Variants in LINGO2 observed in about 807,000 individuals in gnomAD.
The protein encoded by LINGO2 is leucine-rich repeat and immunoglobulin-like domain-containing nogo receptor-interacting protein 2.
A neutral mutation model predicts 30.6 loss-of-function variants in LINGO2; 14 were observed. That is an observed-to-expected ratio of 0.46 (90% CI 0.30 to 0.72). The LOEUF (loss-of-function observed/expected upper bound fraction) is 0.72. Among genes scored for constraint, LINGO2 ranks in the 30% least tolerant of loss-of-function variants. The pLI, the probability that LINGO2 is intolerant of heterozygous loss-of-function variation, is 0.07. For missense variants in LINGO2, 729 were observed against 751.7 expected, an observed-to-expected ratio of 0.97 and a Z score of 0.35; for synonymous variants, 317 against 288.5, an observed-to-expected ratio of 1.10 and a Z score of -1.00.
the LINGO2 span, among the ~76,000 whole-genome samples, chr9:29,183,399 T>A: frequency 6.6e-6 from 1 of 152,296 alleles, no homozygotes; most frequent in Middle Eastern, 3.4e-3. Context: ...ACCAGCCGGA[T>A]GGTGCCAGTA....
chr9:27,992,372 A>AT (rs1232214654), intron 5 of LINGO2, among the ~76,000 whole-genome samples: 5 of 152,142 alleles, frequency 3.3e-5, no homozygotes, highest in African/African-American at 1.2e-4. Flanking sequence ...GTTCAATGTA[A>AT]TGTATGCACT....
At chr9:28,556,366 A>G (rs1822694089) in intron 1 of LINGO2, among the ~76,000 whole-genome samples, 1 of 152,104 alleles carries the variant, frequency 6.6e-6, no homozygotes, top group East Asian at 1.9e-4. Context: ...ACAAACAGAG[A>G]GCCAAATCAT....
chr9:28,695,501 G>C, the LINGO2 span, among the ~76,000 whole-genome samples: 1 of 151,776 alleles, frequency 6.6e-6, no homozygotes, highest in Admixed American at 6.6e-5. Flanking sequence ...TCTTAAAGAA[G>C]TACATAAATG....
the LINGO2 span, among the ~76,000 whole-genome samples, chr9:29,178,249 T>C: frequency 6.6e-6 from 1 of 151,886 alleles, no homozygotes; most frequent in African/African-American, 2.4e-5. Context: ...ACAGATGGAG[T>C]TTCACCATGT....
intron 5 of LINGO2, among the ~76,000 whole-genome samples, chr9:27,986,729 A>G (rs79785942): frequency 6.6e-6 from 1 of 151,820 alleles, no homozygotes; most frequent in African/African-American, 2.4e-5. Context: ...CTGTAAAACT[A>G]GTTTCCTAAA....
chr9:28,073,491 T>G (rs1825539835), intron 4 of LINGO2, among the ~76,000 whole-genome samples: 1 of 152,180 alleles, frequency 6.6e-6, no homozygotes, highest in Admixed American at 6.5e-5. Context: ...TAACTATGAC[T>G]TCTTAGTGGG....
chr9:28,472,894 C>T (rs1825583568), intron 2 of LINGO2, among the ~76,000 whole-genome samples: 1 of 152,054 alleles, frequency 6.6e-6, no homozygotes, highest in African/African-American at 2.4e-5. Flanking sequence ...TTTCAATTGT[C>T]TGTACTTTAA....
At chr9:27,986,754 C>T (rs1329869416) in intron 5 of LINGO2, among the ~76,000 whole-genome samples, 1 of 151,816 alleles carries the variant, frequency 6.6e-6, no homozygotes, top group African/African-American at 2.4e-5. Context: ...TAGAGGTATA[C>T]ATTCCAAAAT....
chr9:28,161,929 A>C (rs190148588), intron 4 of LINGO2, among the ~76,000 whole-genome samples: 30 of 152,312 alleles, frequency 2.0e-4, no homozygotes, highest in African/African-American at 6.7e-4. Context: ...CCAATGTTTC[A>C]ATGCTGTCCT....
chr9:28,639,861 T>C (rs1827484936), intron 1 of LINGO2, among the ~76,000 whole-genome samples: 1 of 152,192 alleles, frequency 6.6e-6, no homozygotes, highest in Admixed American at 6.5e-5. Context: ...GATCCTGTCA[T>C]TATGATGTTA....
intron 1 of LINGO2, among the ~76,000 whole-genome samples, chr9:28,648,908 A>G (rs1301961412): frequency 6.6e-6 from 1 of 152,096 alleles, no homozygotes; most frequent in African/African-American, 2.4e-5. Flanking sequence ...CTTGGCATAT[A>G]TAGAAATGGT....
chr9:28,447,985 GA>G (rs1824495762), intron 2 of LINGO2, among the ~76,000 whole-genome samples: 1 of 152,110 alleles, frequency 6.6e-6, no homozygotes, highest in African/African-American at 2.4e-5. Context: ...GCCAGAGATA[GA>G]AGAGAGGTCT....
intron 4 of LINGO2, among the ~76,000 whole-genome samples, chr9:28,034,551 T>A (rs1021150955): frequency 2.0e-5 from 3 of 152,124 alleles, no homozygotes; most frequent in Non-Finnish European, 4.4e-5. Flanking sequence ...ATGTGTGATA[T>A]TTGAAGGATA....
chr9:28,782,285 T>C, the LINGO2 span, among the ~76,000 whole-genome samples: 1 of 152,156 alleles, frequency 6.6e-6, no homozygotes, highest in African/African-American at 2.4e-5. Context: ...AAAATGAGAC[T>C]GAATGTGGAA....
At chr9:28,178,916 A>G (rs1828821438) in intron 4 of LINGO2, among the ~76,000 whole-genome samples, 1 of 152,044 alleles carries the variant, frequency 6.6e-6, no homozygotes, top group East Asian at 1.9e-4. Flanking sequence ...TCCATTTTCA[A>G]TTTTTCTGAA....
intron 1 of LINGO2, among the ~76,000 whole-genome samples, chr9:28,592,238 A>G (rs578211646): frequency 2.6e-4 from 39 of 152,130 alleles, no homozygotes; most frequent in Non-Finnish European, 5.1e-4. Context: ...GGTACTATGT[A>G]TTTAATGAAA....
the LINGO2 span, among the ~76,000 whole-genome samples, chr9:29,065,718 A>C: frequency 6.6e-6 from 1 of 151,962 alleles, no homozygotes; most frequent in Non-Finnish European, 1.5e-5. Flanking sequence ...TCAACAATGA[A>C]CCTTAAATTT....
chr9:28,515,640 G>T (rs924715260), intron 1 of LINGO2, among the ~76,000 whole-genome samples: 2 of 152,226 alleles, frequency 1.3e-5, no homozygotes, highest in Non-Finnish European at 2.9e-5. Context: ...GCTATCTCAT[G>T]ATAAAATGTG....
the LINGO2 span, among the ~76,000 whole-genome samples, chr9:28,855,499 T>C: frequency 6.6e-6 from 1 of 152,130 alleles, no homozygotes; most frequent in East Asian, 1.9e-4. Flanking sequence ...GCATGAATGT[T>C]TAAAGATCAG....
Sources: allele counts gnomAD v4.1 joint callset (sites outside exome capture counted in the v4.1 genomes callset), GRCh38; gene constraint gnomAD v4.1.1; transcripts MANE v1.5; gene names NCBI Gene and HGNC (gene_info 2026-07-23, HGNC 2026-07-21).